Variants in YME1L1 observed in about 807,000 individuals in gnomAD.
YME1L1 encodes the protein ATP-dependent zinc metalloprotease YME1L1.
Under a neutral mutation model 90.4 loss-of-function variants are expected in YME1L1, and 39 were observed. The ratio of observed to expected loss-of-function variants is 0.43; its 90% confidence interval spans 0.33 to 0.56. The LOEUF is 0.56. Ranked by LOEUF, YME1L1 falls within the 20% of genes least tolerant of loss-of-function variation. The probability of loss-of-function intolerance (pLI) is 0.03; values close to 1 mark genes in which losing one functional copy is unlikely to be tolerated. For synonymous variants in YME1L1, 284 were observed against 287.3 expected, an observed-to-expected ratio of 0.99 and a Z score of 0.12; for missense variants, 617 against 868.4, an observed-to-expected ratio of 0.71 and a Z score of 3.64.
intron 1 of YME1L1, 42 bp downstream of exon 1, chr10:27,154,136 G>T: frequency 6.4e-7 from 1 of 1,565,534 alleles, no homozygotes; most frequent in Non-Finnish European, 8.7e-7. Context: ...ACAGCCACGG[G>T]CAGGGCGGGA....
At chr10:27,119,039 T>A (rs2056840564) in intron 14 of YME1L1, among the ~76,000 whole-genome samples, 1 of 152,252 alleles carries the variant, frequency 6.6e-6, no homozygotes, top group African/African-American at 2.4e-5. Flanking sequence ...TGGTACACTA[T>A]AAAATCAGTT....
intron 2 of YME1L1, chr10:27,147,679 A>G: frequency 6.4e-7 from 1 of 1,551,172 alleles, no homozygotes; most frequent in Non-Finnish European, 8.7e-7. Flanking sequence ...CTGTAGGAAG[A>G]GAGGTTTTGA....
intron 2 of YME1L1, chr10:27,147,293 A>G: frequency 1.2e-6 from 1 of 838,776 alleles, no homozygotes; most frequent in Non-Finnish European, 1.8e-6. Flanking sequence ...CAGGAGTTCG[A>G]GATCAGCCTG....
At chr10:27,151,037 T>C (rs998013442) in intron 1 of YME1L1, among the ~76,000 whole-genome samples, 24 of 150,138 alleles carry the variant, frequency 1.6e-4, no homozygotes, top group South Asian at 6.6e-4. Flanking sequence ...GTGATTCTCC[T>C]GCCTCAGCCT....
chr10:27,139,132 C>T (rs2057059058), intron 4 of YME1L1, among the ~76,000 whole-genome samples: 1 of 152,070 alleles, frequency 6.6e-6, no homozygotes, highest in Non-Finnish European at 1.5e-5. Flanking sequence ...AAGTGAAACA[C>T]ATCTATTTTG....
chr10:27,113,161 A>G (rs1299439268), intron 18 of YME1L1, among the ~76,000 whole-genome samples: 1 of 131,884 alleles, frequency 7.6e-6, no homozygotes, highest in Non-Finnish European at 1.6e-5. Context: ...CAGAGGTTGC[A>G]ATGAGCCAAG....
intron 7 of YME1L1, 22 bp from the exon 8 acceptor site, chr10:27,131,963 T>C (rs1364478154): frequency 6.3e-7 from 1 of 1,581,438 alleles, no homozygotes; most frequent in Non-Finnish European, 8.6e-7. Context: ...AAAAGAAATG[T>C]TTATATTTGA....
Position 27,142,437 on chromosome 10 carries a change from T to A in YME1L1, c.380A>T (p.His127Leu), listed in dbSNP as rs550855751. 2 of 1,532,382 alleles carry A rather than the reference T, an allele frequency of 1.3e-6. No individual in the cohort carries two copies. The highest frequency in any genetic ancestry group is 2.5e-5 in the East Asian group (1 of 40,512). The allele number at this position is 1,532,382 out of a possible 1,614,324, so 94.9% of individuals were successfully genotyped here. Residue 127 changes from histidine (H) to leucine (L), a missense_variant, in exon 4 of 19, where the codon CAT becomes CTT. Physicochemically the swap from His to Leu is moderately conservative, Grantham distance 99. Coordinates refer to ENST00000376016, the MANE Select transcript of YME1L1 (RefSeq NM_014263.4). ...AATGCTTTGAAGAGCTCTTGAATGA[T>A]GTCGATACAAGCAAGAGGAACGTAA... ...STLRSSCLYR[H>L]HSRALQSICS...
intron 2 of YME1L1, among the ~76,000 whole-genome samples, chr10:27,147,834 C>T (rs1041053436): frequency 1.3e-5 from 2 of 152,342 alleles, no homozygotes; most frequent in Admixed American, 6.5e-5. Context: ...GCAGCTTCCC[C>T]TGGCACCACT....
At chr10:27,140,169 T>A (rs916664347) in intron 4 of YME1L1, among the ~76,000 whole-genome samples, 1 of 151,890 alleles carries the variant, frequency 6.6e-6, no homozygotes, top group Non-Finnish European at 1.5e-5. Flanking sequence ...CTGGCTAATT[T>A]TGTATTTCTT....
At chr10:27,151,588 G>A (rs1085782) in intron 1 of YME1L1, among the ~76,000 whole-genome samples, 22,023 of 152,224 alleles carry the variant, frequency 0.14, 1,908 homozygotes, top group Admixed American at 0.23. Flanking sequence ...ACTACCTTAA[G>A]TATGCATACC....
At position 27,145,551 on chromosome 10, in the gene YME1L1, T is replaced by C; in HGVS notation, c.208A>G (p.Lys70Glu). 1 of 1,613,554 alleles carries C rather than the reference T, an allele frequency of 6.2e-7. No individual in the cohort carries two copies. The highest frequency in any genetic ancestry group is 8.5e-7 in the Non-Finnish European group (1 of 1,179,696). Residue 70 changes from lysine (K) to glutamate (E), a missense_variant, in exon 3 of 19, where the codon AAA becomes GAA. Around this residue, in one of 4 missense-constraint regions of YME1L1, gnomAD observed 311 missense variants for 335.8 expected, o/e 0.93. Transcript: ENST00000376016. Reference sequence around the variant, plus strand: ...ACCAGCTGATCAATCTGTCCAATTTTTAGTTCAGATAATCCAAGGTCCCTT... The same window carrying C: ...ACCAGCTGATCAATCTGTCCAATTTCTAGTTCAGATAATCCAAGGTCCCTT... ...NLRDLGLSEL[K>E]IGQIDQLVEN...
chr10:27,143,092 TG>T (rs2057105796), intron 3 of YME1L1, among the ~76,000 whole-genome samples: 2 of 151,632 alleles, frequency 1.3e-5, no homozygotes, highest in African/African-American at 4.8e-5. Flanking sequence ...AAAAATGGCC[TG>T]GTGTGGTGGC....
chr10:27,144,777 C>T (rs1344131569), intron 3 of YME1L1, among the ~76,000 whole-genome samples: 1 of 152,176 alleles, frequency 6.6e-6, no homozygotes, highest in Admixed American at 6.5e-5. Context: ...AGGACACTTG[C>T]AGAGAACTAG....
chr10:27,147,534 C>T (rs200312868), intron 2 of YME1L1: 1 of 1,557,752 alleles, frequency 6.4e-7, no homozygotes, highest in South Asian at 1.1e-5. Context: ...GACGGATGTG[C>T]CAGTTATCGG....
intron 3 of YME1L1, among the ~76,000 whole-genome samples, chr10:27,142,801 T>C (rs925321350): frequency 2.6e-5 from 4 of 152,258 alleles, no homozygotes; most frequent in South Asian, 2.1e-4. Context: ...CCGCAAGCTC[T>C]GCCTCCCAGG....
intron 5 of YME1L1, 46 bp downstream of exon 5, chr10:27,136,227 TAAC>T (rs2057025361): frequency 4.0e-6 from 6 of 1,495,744 alleles, no homozygotes; most frequent in Middle Eastern, 3.5e-4. Flanking sequence ...CTCCTCACTC[TAAC>T]AACTTGAAAA....
intron 1 of YME1L1, among the ~76,000 whole-genome samples, chr10:27,152,289 G>A (rs4749230): frequency 0.84 from 128,352 of 152,220 alleles, 54,391 homozygotes; most frequent in East Asian, 0.99. Context: ...AGGATTTAGA[G>A]TTGAGCTCTT....
intron 4 of YME1L1, among the ~76,000 whole-genome samples, chr10:27,136,656 GC>G (rs2135880948): frequency 6.6e-6 from 1 of 151,870 alleles, no homozygotes; most frequent in East Asian, 1.9e-4. Flanking sequence ...AATCTATCAT[GC>G]CCAGCTTATA....
Sources: allele counts gnomAD v4.1 joint callset (sites outside exome capture counted in the v4.1 genomes callset), GRCh38; gene constraint gnomAD v4.1.1; regional missense constraint gnomAD v4.1.1; transcripts MANE v1.5; gene names NCBI Gene and HGNC (gene_info 2026-07-23, HGNC 2026-07-21).